Variants in NONO observed in about 807,000 individuals in gnomAD.
NONO encodes the protein non-POU domain containing octamer binding.
NONO carries 6 observed loss-of-function variants against 40.2 expected under a neutral mutation model. That is an observed-to-expected ratio of 0.15 (90% CI 0.08 to 0.29). The LOEUF (loss-of-function observed/expected upper bound fraction) is 0.29, where lower values mean the gene tolerates loss of function less well. Ranked by LOEUF, NONO falls within the 10% of genes least tolerant of loss-of-function variation. The pLI, the probability that NONO is intolerant of heterozygous loss-of-function variation, is 1.00. For missense variants in NONO, 133 were observed against 397.8 expected, an observed-to-expected ratio of 0.33 and a Z score of 5.66; for synonymous variants, 89 against 123.3, an observed-to-expected ratio of 0.72 and a Z score of 1.85.
At chrX:71,297,532 A>G in intron 8 of NONO, 71 bp downstream of exon 8, 3 of 754,041 alleles carry the variant, frequency 4.0e-6, no homozygotes, top group Non-Finnish European at 5.9e-6. Flanking sequence ...TCCTACTGCC[A>G]TGCTACCTCG....
At chrX:71,295,198 GC>G (rs2031411576) in intron 5 of NONO, among the ~76,000 whole-genome samples, 1 of 102,972 alleles carries the variant, frequency 9.7e-6, no homozygotes, top group African/African-American at 3.6e-5. Context: ...CTCCAGCCTG[GC>G]GATAGAGCAA....
At position 71,300,192 on chromosome X, in the gene NONO, C is replaced by G; in HGVS notation, c.*116C>G. 1.2e-6 allele frequency: 1 copy of G among 867,573 alleles called. No homozygotes were observed. Among genetic ancestry groups the G allele is most frequent in the South Asian group, 2.1e-5 (1 of 48,224 alleles). 71.5% of individuals were successfully genotyped at this position (867,573 alleles called of 1,213,427 possible). ...CCTTCCAATAGTTAGATCTACCCTG[C>G]CTGTACTACTCTAGGGAGTATGCTG... On this transcript the variant is annotated 3_prime_UTR_variant, in exon 12 of 12. Coordinates refer to ENST00000276079, the MANE Select transcript of NONO (RefSeq NM_007363.5).
chrX:71,284,291 C>CT (rs763054575), intron 1 of NONO, 106 bp from the exon 2 acceptor site: 1 of 112,584 alleles, frequency 8.9e-6, no homozygotes, highest in African/African-American at 3.2e-5. Flanking sequence ...TATAGCATCA[C>CT]TTTTTAAAAT....
In NONO at chrX:71,300,567, G is replaced by A. The variant is rs1403413839; in HGVS notation, c.*491G>A. 1 of 191,716 alleles carries A rather than the reference G, an allele frequency of 5.2e-6. No homozygotes were observed. The highest frequency in any genetic ancestry group is 9.7e-6 in the Non-Finnish European group (1 of 102,618). 15.8% of individuals were successfully genotyped at this position (191,716 alleles called of 1,213,427 possible). On this transcript the variant is annotated 3_prime_UTR_variant, in exon 12 of 12. Transcript: ENST00000276079. ...CCTGACCTCGTGATCTACCCACCTC[G>A]GCCTCCCAAAATGCTGGGATTACAG...
chrX:71,291,440 T>A (rs2031324785), intron 3 of NONO, among the ~76,000 whole-genome samples: 2 of 109,987 alleles, frequency 1.8e-5, no homozygotes, highest in Non-Finnish European at 3.8e-5. Context: ...CATCTGAAGG[T>A]ACGTTTTGAA....
At chrX:71,288,994 G>T (rs898859897) in intron 2 of NONO, among the ~76,000 whole-genome samples, 7 of 112,390 alleles carry the variant, frequency 6.2e-5, no homozygotes, top group Non-Finnish European at 1.3e-4. Flanking sequence ...TGTGGGCTAG[G>T]ATTGGTAGGT....
At position 71,291,885 on chromosome X, in the gene NONO, G is replaced by A. The variant is rs1379364784; in HGVS notation, c.261G>A (p.Glu87=). The change falls in exon 4 of 12, where the codon GAG becomes GAA. Residue 87 remains glutamate (E), a synonymous_variant. Transcript: ENST00000276079. The part of the protein sequence containing the change: ...FVGNLPPDIT[E]EEMRKLFEKY... ...GAAATCTTCCTCCCGACATCACTGA[G>A]GAAGAAATGAGGAAACTATTTGAGA... The A allele has an allele frequency of 5.0e-6, 6 of 1,202,844 alleles. No individual in the cohort carries two copies. The highest frequency in any genetic ancestry group is 5.6e-6 in the Non-Finnish European group (5 of 891,088).
chrX:71,298,850 A>G (rs1043525762), intron 11 of NONO, 34 bp downstream of exon 11: 5 of 1,064,326 alleles, frequency 4.7e-6, no homozygotes, highest in East Asian at 3.0e-5. Flanking sequence ...CAGTAATTCT[A>G]AATGGTGGTA....
chrX:71,290,463 AT>A (rs754517715), intron 2 of NONO, among the ~76,000 whole-genome samples, 165 bp from the exon 3 acceptor site: 1 of 111,341 alleles, frequency 9.0e-6, no homozygotes, highest in Non-Finnish European at 1.9e-5. Flanking sequence ...GCACTGATAG[AT>A]TTTTGAATTG....
rs751306618 is a variant in NONO, at chrX:71,284,432, G to C, written c.-31G>C. On this transcript the variant is annotated 5_prime_UTR_variant, in exon 2 of 12. Coordinates refer to ENST00000276079, the MANE Select transcript of NONO (RefSeq NM_007363.5). ...GTTAGAGGGAACTGGGAGGCACTTT[G>C]CTGTCTGCAATCGAAGTTGAGGTAG... The C allele has an allele frequency of 8.9e-6, 1 of 112,102 alleles. No individual in the cohort carries two copies. Among genetic ancestry groups the C allele is most frequent in the South Asian group, 3.6e-4 (1 of 2,741 alleles). The allele number at this position is 112,102 out of a possible 1,213,427, so 9.2% of individuals were successfully genotyped here.
intron 11 of NONO, 47 bp from the exon 12 acceptor site, chrX:71,299,895 T>C: frequency 8.3e-7 from 1 of 1,204,141 alleles, no homozygotes; most frequent in Non-Finnish European, 1.1e-6. Flanking sequence ...GGTGGGAAGC[T>C]TCCAACAATG....
chrX:71,294,630 T>C (rs1429808474), intron 5 of NONO, 102 bp downstream of exon 5: 3 of 860,236 alleles, frequency 3.5e-6, no homozygotes, highest in Non-Finnish European at 4.8e-6. Context: ...TTAAAGACTT[T>C]TGGTCAGCCT....
At chrX:71,298,120 G>T (rs2031493249) in intron 9 of NONO, 182 bp downstream of exon 9, 2 of 439,420 alleles carry the variant, frequency 4.6e-6, no homozygotes, top group Non-Finnish European at 8.0e-6. Context: ...AGCAATATAG[G>T]ATGAAAAACT....
In NONO at chrX:71,299,276, A is replaced by ACTTTGGG. The variant is rs1236955238; in HGVS notation, c.1281+460_1281+461insCTTTGGG. On this transcript the variant is annotated intron_variant, in intron 11 of 11. Transcript: ENST00000276079. The stretch of plus-strand genomic sequence containing the variant: ...GATAATCTGCCCGCCTCGGTTTCCC[A>ACTTTGGG]AAGTGCTGGGATTACTGGCGTGAGC... Among the ~76,000 whole-genome samples the ACTTTGGG allele has an allele frequency of 2.0e-3, 228 of 112,502 alleles. 4 individuals are homozygous for ACTTTGGG. Among genetic ancestry groups the ACTTTGGG allele is most frequent in the Admixed American group, 0.017 (177 of 10,613 alleles).
Position 71,300,759 on chromosome X carries a change from A to C in NONO, c.*683A>C. ...TCAGGCAAACGTCCACAAAGGTCAC[A>C]GGCAGCGTACATACGGTTCTGTTAT... is the stretch of plus-strand genomic sequence containing the variant. On this transcript the variant is annotated 3_prime_UTR_variant, in exon 12 of 12. Transcript: ENST00000276079. 1 of 175,499 alleles carries C rather than the reference A, an allele frequency of 5.7e-6. No homozygotes were observed. The highest frequency in any genetic ancestry group is 1.1e-5 in the Non-Finnish European group (1 of 91,231). 14.5% of individuals were successfully genotyped at this position (175,499 alleles called of 1,213,427 possible).
Position 71,297,060 on chromosome X carries a change from C to T in NONO, c.943+13C>T, listed in dbSNP as rs758039157. 1 of 1,154,114 alleles carries T rather than the reference C, an allele frequency of 8.7e-7. No individual in the cohort carries two copies. The highest frequency in any genetic ancestry group is 2.8e-5 in the Admixed American group (1 of 36,230). ...CTAATGAGACAGGGTGAGTCTAGGC[C>T]TGTAAGTCTTAAAGCTGAAAGGACA... On this transcript the variant is annotated intron_variant, in intron 7 of 11. Transcript: ENST00000276079.
chrX:71,297,194 G>A (rs2031471377), intron 7 of NONO, 147 bp downstream of exon 7: 2 of 671,966 alleles, frequency 3.0e-6, no homozygotes, highest in East Asian at 7.1e-5. Context: ...GCTTGGAGAT[G>A]TGGCAGAGAT....
chrX:71,288,992 A>G (rs1166652152), intron 2 of NONO, among the ~76,000 whole-genome samples: 2 of 112,490 alleles, frequency 1.8e-5, no homozygotes, highest in Non-Finnish European at 3.7e-5. Flanking sequence ...ACTGTGGGCT[A>G]GGATTGGTAG....
chrX:71,294,763 C>CA (rs2031398380), intron 5 of NONO, among the ~76,000 whole-genome samples: 1 of 110,811 alleles, frequency 9.0e-6, no homozygotes, highest in Non-Finnish European at 1.9e-5. Context: ...ACTAAAAATA[C>CA]AAAAAATTAG....
Sources: allele counts gnomAD v4.1 joint callset (sites outside exome capture counted in the v4.1 genomes callset), GRCh38; gene constraint gnomAD v4.1.1; transcripts MANE v1.5; gene names NCBI Gene and HGNC (gene_info 2026-07-23, HGNC 2026-07-21).